The following DLG2 variants were observed in gnomAD, a reference collection of about 807,000 sequenced individuals.
DLG2 encodes disks large homolog 2.
In DLG2, 45 loss-of-function variants were observed where a neutral mutation model predicts 132.5. The ratio of observed to expected loss-of-function variants is 0.34; its 90% confidence interval spans 0.27 to 0.44. DLG2 has a LOEUF of 0.44. DLG2 is among the 20% of genes least tolerant of loss of function. DLG2 has a pLI of 1.00. For synonymous variants in DLG2, 424 were observed against 419.6 expected, an observed-to-expected ratio of 1.01 and a Z score of -0.13; for missense variants, 1,045 against 1,196.9, an observed-to-expected ratio of 0.87 and a Z score of 1.87.
chr11:84,937,269 C>A (rs1382735718), intron 6 of DLG2, among the ~76,000 whole-genome samples: 2 of 151,508 alleles, frequency 1.3e-5, no homozygotes, highest in Non-Finnish European at 2.9e-5. Context: ...GCTTTCCATG[C>A]ATTAATTTAT....
chr11:83,567,191 A>C (rs939741352), intron 19 of DLG2, among the ~76,000 whole-genome samples: 3 of 152,162 alleles, frequency 2.0e-5, no homozygotes, highest in African/African-American at 7.2e-5. Flanking sequence ...TCAACCTCAG[A>C]AGGGTGGCAC....
At chr11:84,320,227 T>C (rs944936407) in intron 7 of DLG2, among the ~76,000 whole-genome samples, 3 of 152,218 alleles carry the variant, frequency 2.0e-5, no homozygotes, top group Admixed American at 6.5e-5. Context: ...ACTGGCTTCA[T>C]AGAACAATCA....
chr11:84,989,971 A>C (rs1000739729), intron 6 of DLG2, among the ~76,000 whole-genome samples: 1 of 152,032 alleles, frequency 6.6e-6, no homozygotes, highest in Non-Finnish European at 1.5e-5. Context: ...CTTAGACTTA[A>C]AACCAAAATT....
intron 3 of DLG2, among the ~76,000 whole-genome samples, chr11:85,485,485 A>G (rs1383292192): frequency 6.6e-6 from 1 of 152,250 alleles, no homozygotes; most frequent in Non-Finnish European, 1.5e-5. Flanking sequence ...AAAAGGAACC[A>G]GAATAGTAAA....
intron 9 of DLG2, among the ~76,000 whole-genome samples, chr11:84,161,468 A>G (rs976932081): frequency 4.6e-5 from 7 of 152,186 alleles, no homozygotes; most frequent in African/African-American, 1.7e-4. Flanking sequence ...AATGGCAGTA[A>G]CAAAGTTCAG....
At chr11:84,472,977 A>G (rs1040523463) in intron 7 of DLG2, among the ~76,000 whole-genome samples, 2 of 152,080 alleles carry the variant, frequency 1.3e-5, no homozygotes, top group African/African-American at 4.8e-5. Flanking sequence ...ACTTCAAGTA[A>G]GCCAGAAAAA....
intron 21 of DLG2, among the ~76,000 whole-genome samples, chr11:83,520,537 G>T (rs4573701): frequency 6.6e-6 from 1 of 152,060 alleles, no homozygotes; most frequent in African/African-American, 2.4e-5. Context: ...TGCTTACTGC[G>T]TTGTCATAGA....
chr11:85,395,160 T>C (rs905170524), intron 3 of DLG2, among the ~76,000 whole-genome samples: 1 of 152,162 alleles, frequency 6.6e-6, no homozygotes, highest in African/African-American at 2.4e-5. Flanking sequence ...AGCCCTTTCA[T>C]GGAACAGGTA....
At chr11:84,049,516 G>T (rs1275984544) in intron 11 of DLG2, among the ~76,000 whole-genome samples, 1 of 151,674 alleles carries the variant, frequency 6.6e-6, no homozygotes, top group Non-Finnish European at 1.5e-5. Flanking sequence ...TGCTTTGATG[G>T]TTATGATCTA....
At chr11:83,839,525 T>C (rs891961664) in intron 16 of DLG2, among the ~76,000 whole-genome samples, 1 of 152,240 alleles carries the variant, frequency 6.6e-6, no homozygotes, top group Admixed American at 6.5e-5. Flanking sequence ...GTAAATCGGC[T>C]TGTCTACATT....
At chr11:84,961,699 A>G (rs928688565) in intron 6 of DLG2, among the ~76,000 whole-genome samples, 1 of 152,200 alleles carries the variant, frequency 6.6e-6, no homozygotes, top group Non-Finnish European at 1.5e-5. Context: ...ATAAATGTTA[A>G]TAAAACAAAA....
intron 4 of DLG2, among the ~76,000 whole-genome samples, chr11:85,239,758 T>C (rs555615200): frequency 2.6e-5 from 4 of 152,128 alleles, no homozygotes; most frequent in Non-Finnish European, 5.9e-5. Flanking sequence ...TTGAATACTA[T>C]GTAATTTTCC....
At position 84,749,731 on chromosome 11, in the gene DLG2, A is replaced by T. The variant is rs190936453; in HGVS notation, c.358-215000T>A. Among the ~76,000 whole-genome samples the T allele has an allele frequency of 7.7e-3, 1,174 of 152,246 alleles. 16 individuals carry two copies. The highest frequency in any genetic ancestry group is 0.025 in the African/African-American group (1,051 of 41,548). On this transcript the variant is annotated intron_variant, in intron 6 of 27. Transcript: ENST00000376104. Reference sequence around the variant, plus strand: ...TTTTGTACAATTTCTATTTTAAAAAAATATATATAAGGAAACTAAGCCTTC... The same window carrying T: ...TTTTGTACAATTTCTATTTTAAAAATATATATATAAGGAAACTAAGCCTTC...
chr11:85,352,727 G>A (rs2083390288), intron 3 of DLG2, among the ~76,000 whole-genome samples: 2 of 152,122 alleles, frequency 1.3e-5, no homozygotes, highest in Non-Finnish European at 2.9e-5. Flanking sequence ...ACAAAAACAA[G>A]AAATCGGGAA....
chr11:84,798,782 C>T (rs2153953581), intron 6 of DLG2, among the ~76,000 whole-genome samples: 1 of 152,316 alleles, frequency 6.6e-6, no homozygotes, highest in Admixed American at 6.5e-5. Context: ...CTTTAGCCAT[C>T]AGGTGACATA....
intron 6 of DLG2, among the ~76,000 whole-genome samples, chr11:84,893,857 C>T (rs2089812379): frequency 6.6e-6 from 1 of 152,078 alleles, no homozygotes; most frequent in East Asian, 1.9e-4. Context: ...AAATTGTTAG[C>T]TTACAGCACT....
chr11:84,524,122 A>C (rs2154518048), intron 7 of DLG2, among the ~76,000 whole-genome samples: 2 of 152,298 alleles, frequency 1.3e-5, no homozygotes, highest in East Asian at 3.9e-4. Flanking sequence ...AAAAAACTGC[A>C]AAAAATATCA....
intron 6 of DLG2, among the ~76,000 whole-genome samples, chr11:84,789,499 A>C (rs1244711933): frequency 6.6e-6 from 1 of 152,114 alleles, no homozygotes; most frequent in Non-Finnish European, 1.5e-5. Context: ...AATACTTTAT[A>C]ATCACATCAC....
intron 6 of DLG2, among the ~76,000 whole-genome samples, chr11:85,105,238 C>T (rs915383334): frequency 5.3e-5 from 8 of 152,024 alleles, no homozygotes; most frequent in Middle Eastern, 3.4e-3. Flanking sequence ...GAACCAATGT[C>T]CCCCTCCATA....
Sources: gnomAD v4.1 joint callset for allele counts (sites outside exome capture counted in the v4.1 genomes callset) on GRCh38, gnomAD v4.1.1 for gene constraint, MANE v1.5 for transcripts, NCBI Gene and HGNC (gene_info 2026-07-23, HGNC 2026-07-21) for gene names.